The following NELL2 variants were observed in gnomAD, a reference collection of about 807,000 sequenced individuals.
The protein encoded by NELL2 is protein kinase C-binding protein NELL2.
NELL2 carries 41 observed loss-of-function variants against 109.6 expected under a neutral mutation model. That is an observed-to-expected ratio of 0.37 (90% CI 0.29 to 0.49). NELL2 has a LOEUF of 0.49. NELL2 is among the 20% of genes least tolerant of loss of function. NELL2 has a pLI of 0.98. For synonymous variants in NELL2, 355 were observed against 344.7 expected, an observed-to-expected ratio of 1.03 and a Z score of -0.33; for missense variants, 900 against 1,008.3, an observed-to-expected ratio of 0.89 and a Z score of 1.45.
rs774973614 is a variant in NELL2, at chr12:44,703,874, TTTA to T, written c.1190-23_1190-21del. Reference sequence around the variant, plus strand: ...CATAACCTACAGAAAAAAAAAGAAATTTATTAAGGTAAATGAAACTATGACAAT... The same window carrying T: ...CATAACCTACAGAAAAAAAAAGAAATTTAAGGTAAATGAAACTATGACAAT... On this transcript the variant is annotated intron_variant, in intron 11 of 19. Coordinates refer to ENST00000429094, the MANE Select transcript of NELL2 (RefSeq NM_001145108.2). The T allele has an allele frequency of 1.3e-6, 2 of 1,599,592 alleles. No individual in the cohort carries two copies.
intron 3 of NELL2, among the ~76,000 whole-genome samples, chr12:44,799,612 T>C (rs913645043): frequency 6.6e-6 from 1 of 152,150 alleles, no homozygotes; most frequent in Non-Finnish European, 1.5e-5. Context: ...GGTCATAATT[T>C]TTCCACAGAA....
chr12:44,687,269 C>A (rs1433083319), intron 12 of NELL2, among the ~76,000 whole-genome samples: 1 of 152,200 alleles, frequency 6.6e-6, no homozygotes. Context: ...TTGGCTCGCC[C>A]ATGGTGCGCG....
chr12:44,511,991 TC>T (rs1282013425), intron 19 of NELL2, among the ~76,000 whole-genome samples: 3 of 151,742 alleles, frequency 2.0e-5, no homozygotes, highest in African/African-American at 7.3e-5. Context: ...TGAGACTATA[TC>T]AAACTAAAAA....
chr12:44,654,356 T>C (rs1313446662), intron 13 of NELL2, among the ~76,000 whole-genome samples: 1 of 152,216 alleles, frequency 6.6e-6, no homozygotes, highest in East Asian at 1.9e-4. Context: ...TTCAACCTGA[T>C]ACAGTTTATC....
At chr12:44,764,588 C>T (rs563737231) in intron 9 of NELL2, among the ~76,000 whole-genome samples, 1 of 152,130 alleles carries the variant, frequency 6.6e-6, no homozygotes, top group South Asian at 2.1e-4. Context: ...TTTCTATTTC[C>T]ATTGATGAAA....
At chr12:44,541,954 T>C (rs754252548) in intron 15 of NELL2, among the ~76,000 whole-genome samples, 46 of 152,176 alleles carry the variant, frequency 3.0e-4, no homozygotes, top group Non-Finnish European at 4.0e-4. Context: ...ATATTTTAGA[T>C]AACAGAGGTC....
chr12:44,523,980 C>T (rs764158231), intron 16 of NELL2, among the ~76,000 whole-genome samples: 10 of 152,128 alleles, frequency 6.6e-5, no homozygotes, highest in Admixed American at 1.3e-4. Flanking sequence ...TGCACCTGCC[C>T]CCCTCCATGA....
intron 12 of NELL2, among the ~76,000 whole-genome samples, chr12:44,677,868 A>G (rs778426527): frequency 6.6e-6 from 1 of 151,542 alleles, no homozygotes; most frequent in Non-Finnish European, 1.5e-5. Context: ...AGCTACAGAG[A>G]AGCATAGTTT....
intron 12 of NELL2, among the ~76,000 whole-genome samples, chr12:44,672,187 C>G (rs1439708471): frequency 6.6e-6 from 1 of 152,164 alleles, no homozygotes; most frequent in African/African-American, 2.4e-5. Flanking sequence ...TCCCATAGAA[C>G]AGGGGTCCCC....
chr12:44,737,799 T>A (rs1263173119), intron 9 of NELL2, among the ~76,000 whole-genome samples: 1 of 151,966 alleles, frequency 6.6e-6, no homozygotes, highest in Non-Finnish European at 1.5e-5. Flanking sequence ...TCCCCTGGTA[T>A]CCAACCAAGA....
intron 19 of NELL2, among the ~76,000 whole-genome samples, chr12:44,516,140 ATCT>A (rs1186941628): frequency 1.3e-5 from 2 of 151,976 alleles, no homozygotes; most frequent in Non-Finnish European, 2.9e-5. Flanking sequence ...ATAATATATG[ATCT>A]TCTAATATGT....
chr12:44,614,520 G>T (rs1164878522), intron 13 of NELL2, among the ~76,000 whole-genome samples: 1 of 151,852 alleles, frequency 6.6e-6, no homozygotes, highest in Admixed American at 6.6e-5. Flanking sequence ...TAGTGATGAG[G>T]CACAATATAG....
rs573670324 is a variant in NELL2 at position 44,599,570 on chromosome 12, T to C, written c.1663+7599A>G. On this transcript the variant is annotated intron_variant, in intron 15 of 19. Coordinates refer to ENST00000429094, the MANE Select transcript of NELL2 (RefSeq NM_001145108.2). The stretch of plus-strand genomic sequence containing the variant: ...CTGAGAGATAAAGAGATGAAAAGTA[T>C]AAAAGAAAGTGAAGAATTATAGAAA... Among the ~76,000 whole-genome samples, 9 of 151,906 alleles carry C rather than the reference T, an allele frequency of 5.9e-5. No homozygotes were observed. In the South Asian group the frequency reaches 1.7e-3, roughly 28 times the overall value.
intron 15 of NELL2, among the ~76,000 whole-genome samples, chr12:44,563,152 G>A (rs1943531866): frequency 6.6e-6 from 1 of 152,036 alleles, no homozygotes; most frequent in African/African-American, 2.4e-5. Flanking sequence ...ATCACACACT[G>A]GGGCCTGTCA....
chr12:44,567,083 T>G (rs1943690872), intron 15 of NELL2, among the ~76,000 whole-genome samples: 2 of 152,206 alleles, frequency 1.3e-5, no homozygotes, highest in African/African-American at 4.8e-5. Context: ...ATGCTGGGAT[T>G]ACAGGCGTGA....
intron 13 of NELL2, among the ~76,000 whole-genome samples, chr12:44,628,224 A>G (rs1385198584): frequency 6.6e-6 from 1 of 152,242 alleles, no homozygotes. Flanking sequence ...ATGCAATGTT[A>G]ATGAATAATA....
At chr12:44,773,797 T>C (rs1941643671) in intron 9 of NELL2, among the ~76,000 whole-genome samples, 1 of 152,182 alleles carries the variant, frequency 6.6e-6, no homozygotes, top group African/African-American at 2.4e-5. Flanking sequence ...GAATTAAATA[T>C]AAATGCCTTC....
upstream of NELL2, among the ~76,000 whole-genome samples, chr12:44,918,513 ATGTATGTGTGTGTGTGTG>A (rs1221443701): frequency 8.2e-5 from 10 of 121,310 alleles, no homozygotes; most frequent in Admixed American, 4.2e-4. Context: ...TCATGCATGC[ATGTATGTGTGTGTGTGTG>A]TGTGTGTGTG....
chr12:44,527,199 C>A (rs1046406716), intron 16 of NELL2, among the ~76,000 whole-genome samples: 1 of 152,174 alleles, frequency 6.6e-6, no homozygotes, highest in Admixed American at 6.5e-5. Context: ...ATTTAAAATA[C>A]TATCATGTAA....
Sources: allele counts gnomAD v4.1 joint callset (sites outside exome capture counted in the v4.1 genomes callset), GRCh38; gene constraint gnomAD v4.1.1; transcripts MANE v1.5; gene names NCBI Gene and HGNC (gene_info 2026-07-23, HGNC 2026-07-21).